ARHGEF26: variants seen among roughly 807,000 people sequenced by gnomAD.
ARHGEF26 encodes the protein Rho guanine nucleotide exchange factor 26.
ARHGEF26 carries 59 observed loss-of-function variants against 89.4 expected under a neutral mutation model. The ratio of observed to expected loss-of-function variants is 0.66; its 90% confidence interval spans 0.54 to 0.82. The LOEUF (loss-of-function observed/expected upper bound fraction) is 0.82, where lower values mean the gene tolerates loss of function less well. ARHGEF26 is among the 40% of genes least tolerant of loss of function. The probability of loss-of-function intolerance (pLI) is 0.00; values close to 1 mark genes in which losing one functional copy is unlikely to be tolerated. For synonymous variants in ARHGEF26, 500 were observed against 428.4 expected, an observed-to-expected ratio of 1.17 and a Z score of -2.06; for missense variants, 1,234 against 1,085.6, an observed-to-expected ratio of 1.14 and a Z score of -1.92.
At chr3:154,157,871 G>T (rs530503750) in intron 6 of ARHGEF26, among the ~76,000 whole-genome samples, 13 of 152,212 alleles carry the variant, frequency 8.5e-5, no homozygotes, top group Non-Finnish European at 8.8e-5. Context: ...GAGAAAAGCA[G>T]GTTAGAACTA....
intron 12 of ARHGEF26, among the ~76,000 whole-genome samples, chr3:154,249,855 G>A (rs932275883): frequency 5.9e-5 from 9 of 152,170 alleles, no homozygotes; most frequent in Admixed American, 3.3e-4. Flanking sequence ...GTTTTATATC[G>A]ATACGTCCCT....
intron 3 of ARHGEF26, among the ~76,000 whole-genome samples, chr3:154,127,954 G>A (rs529514165): frequency 2.6e-5 from 4 of 151,978 alleles, no homozygotes; most frequent in Admixed American, 2.0e-4. Context: ...TCTTATGTTC[G>A]CATTATAGCT....
At chr3:154,253,803 G>A (rs1293724631) in intron 13 of ARHGEF26, among the ~76,000 whole-genome samples, 1 of 152,124 alleles carries the variant, frequency 6.6e-6, no homozygotes, top group Non-Finnish European at 1.5e-5. Context: ...CAAAGAATTA[G>A]AACAAAACAT....
At position 154,257,570 on chromosome 3, in the gene ARHGEF26, T is replaced by C. The variant is rs1026546781; in HGVS notation, c.*2097T>C. 7.2e-5 allele frequency: 11 copies of C among 152,250 alleles called. No homozygotes were observed. Among genetic ancestry groups the C allele is most frequent in the African/African-American group, 2.4e-4 (10 of 41,468 alleles). The allele number at this position is 152,250 out of a possible 1,614,324, so 9.4% of individuals were successfully genotyped here. A position where few individuals can be genotyped will look rare whatever the true frequency, so the allele number is the denominator to read the frequency against. ...GGAAATACATGCATCTTATGAATCA[T>C]AGCCTTATTTAGCAAGATCAATGTT... On this transcript the variant is annotated 3_prime_UTR_variant, in exon 15 of 15. Coordinates refer to ENST00000465093, the MANE Select transcript of ARHGEF26 (RefSeq NM_015595.4).
chr3:154,244,023 G>T (rs879833358), intron 12 of ARHGEF26, among the ~76,000 whole-genome samples: 3 of 152,050 alleles, frequency 2.0e-5, no homozygotes, highest in Admixed American at 6.6e-5. Flanking sequence ...AGTATATATT[G>T]TTTAGGTTTT....
At chr3:154,159,073 G>T (rs1711520555) in intron 6 of ARHGEF26, among the ~76,000 whole-genome samples, 1 of 152,046 alleles carries the variant, frequency 6.6e-6, no homozygotes, top group South Asian at 2.1e-4. Context: ...AAGGTCTTTT[G>T]TGTTAAAAAG....
intron 6 of ARHGEF26, among the ~76,000 whole-genome samples, chr3:154,168,090 A>G (rs1712157891): frequency 6.6e-6 from 1 of 152,184 alleles, no homozygotes; most frequent in Non-Finnish European, 1.5e-5. Context: ...TTCTGTGATT[A>G]ATAAACTACT....
At chr3:154,191,245 GGA>G (rs1232561003) in intron 7 of ARHGEF26, 42 bp from the exon 8 acceptor site, 11 of 1,559,082 alleles carry the variant, frequency 7.1e-6, no homozygotes, top group Non-Finnish European at 9.6e-6. Flanking sequence ...CTTAATTTGA[GGA>G]GGAAATATTT....
intron 6 of ARHGEF26, among the ~76,000 whole-genome samples, chr3:154,184,038 T>A (rs528698802): frequency 5.9e-5 from 9 of 151,354 alleles, no homozygotes; most frequent in African/African-American, 2.2e-4. Context: ...AGTGGCGCAA[T>A]CTCGGCTCAC....
intron 9 of ARHGEF26, among the ~76,000 whole-genome samples, chr3:154,215,400 T>C (rs1366909824): frequency 6.6e-6 from 1 of 151,996 alleles, no homozygotes; most frequent in Non-Finnish European, 1.5e-5. Flanking sequence ...GTCTGTGATT[T>C]TTTTTTTTTT....
At chr3:154,187,313 T>A (rs1007929891) in intron 6 of ARHGEF26, 27 of 732,524 alleles carry the variant, frequency 3.7e-5, no homozygotes, top group South Asian at 2.5e-4. Context: ...TGAAATATGT[T>A]TAGTCTAAAG....
intron 13 of ARHGEF26, among the ~76,000 whole-genome samples, chr3:154,254,266 G>A (rs1718340492): frequency 6.6e-6 from 1 of 152,178 alleles, no homozygotes; most frequent in African/African-American, 2.4e-5. Context: ...CTTTTGGTTG[G>A]AGCTCATTTT....
upstream of ARHGEF26, chr3:154,121,018 T>C (rs537044747): frequency 2.0e-5 from 3 of 152,238 alleles, no homozygotes; most frequent in Admixed American, 6.5e-5. Flanking sequence ...TCTGCGCTAC[T>C]GCCCACGCAT....
intron 4 of ARHGEF26, among the ~76,000 whole-genome samples, chr3:154,145,153 C>T (rs1719622146): frequency 6.6e-6 from 1 of 152,060 alleles, no homozygotes; most frequent in Non-Finnish European, 1.5e-5. Context: ...GGTCTGGTTA[C>T]AGAGGACACT....
intron 12 of ARHGEF26, among the ~76,000 whole-genome samples, chr3:154,242,150 A>G (rs978918687): frequency 1.2e-4 from 18 of 152,206 alleles, no homozygotes; most frequent in Non-Finnish European, 8.8e-5. Flanking sequence ...GCATATTCCA[A>G]ATGAGCTGGA....
chr3:154,228,786 C>G (rs999046966), intron 11 of ARHGEF26, among the ~76,000 whole-genome samples: 10 of 152,150 alleles, frequency 6.6e-5, no homozygotes, highest in Non-Finnish European at 1.5e-4. Flanking sequence ...AAAGGAGATA[C>G]AACAACCCTG....
chr3:154,218,043 G>A, intron 10 of ARHGEF26, 85 bp downstream of exon 10: 2 of 1,224,524 alleles, frequency 1.6e-6, no homozygotes, highest in Non-Finnish European at 2.3e-6. Context: ...AAAGTAGATA[G>A]GAAATTGCTT....
At chr3:154,149,824 C>G (rs1240922396) in intron 5 of ARHGEF26, among the ~76,000 whole-genome samples, 1 of 151,632 alleles carries the variant, frequency 6.6e-6, no homozygotes, top group African/African-American at 2.4e-5. Context: ...GTAAGATACC[C>G]TAGGTTAGGG....
chr3:154,147,613 C>G (rs1527801), intron 4 of ARHGEF26, among the ~76,000 whole-genome samples: 147,154 of 152,282 alleles, frequency 0.97, 71,191 homozygotes, highest in East Asian at 1. Context: ...CTTCAAAAAG[C>G]TTGTCTATTT....
Sources: allele counts gnomAD v4.1 joint callset (sites outside exome capture counted in the v4.1 genomes callset), GRCh38; gene constraint gnomAD v4.1.1; transcripts MANE v1.5; gene names NCBI Gene and HGNC (gene_info 2026-07-23, HGNC 2026-07-21).